HNMT: variants seen among roughly 807,000 people sequenced by gnomAD.
The protein encoded by HNMT is histamine N-methyltransferase.
Under a neutral mutation model 32.1 loss-of-function variants are expected in HNMT, and 30 were observed. The observed-to-expected ratio is 0.93, with a 90% CI of 0.70 to 1.27. The LOEUF is 1.27. Among genes scored for constraint, HNMT ranks in the 50% most tolerant of loss-of-function variants. HNMT has a pLI of 0.00. For synonymous variants in HNMT, 125 were observed against 119.0 expected, an observed-to-expected ratio of 1.05 and a Z score of -0.33; for missense variants, 327 against 346.0, an observed-to-expected ratio of 0.95 and a Z score of 0.43.
chr2:138,003,229 T>TATAATA (rs943466405), intron 4 of HNMT, among the ~76,000 whole-genome samples: 5 of 147,776 alleles, frequency 3.4e-5, no homozygotes, highest in Non-Finnish European at 7.4e-5. Context: ...AAACTTAAAG[T>TATAATA]ATAATAATAA....
intron 5 of HNMT, among the ~76,000 whole-genome samples, chr2:138,007,724 C>A (rs953858386): frequency 6.6e-6 from 1 of 152,042 alleles, no homozygotes; most frequent in Non-Finnish European, 1.5e-5. Context: ...TTTCACATTG[C>A]CTTAAACATG....
rs531677696 is a variant in HNMT, at chr2:137,982,933, T to C, written c.190+12716T>C. Among the ~76,000 whole-genome samples the C allele has an allele frequency of 3.3e-5, 5 of 152,292 alleles. No homozygotes were observed. The East Asian group carries it at 9.7e-4, about 29-fold the overall frequency. On this transcript the variant is annotated intron_variant, in intron 2 of 5. Coordinates refer to ENST00000280097, the MANE Select transcript of HNMT (RefSeq NM_006895.3). Reference sequence around the variant, plus strand: ...ATGGAAACTCTGTGGGGACTTCCTTTAAAAATGAAAGAGCTGAGGTTCAGA... The same window carrying C: ...ATGGAAACTCTGTGGGGACTTCCTTCAAAAATGAAAGAGCTGAGGTTCAGA...
At chr2:137,988,229 G>A (rs552974338) in intron 2 of HNMT, among the ~76,000 whole-genome samples, 1 of 152,306 alleles carries the variant, frequency 6.6e-6, no homozygotes, top group East Asian at 1.9e-4. Flanking sequence ...TGATAGGTTT[G>A]CTTAGCAGGG....
chr2:137,974,778 G>T (rs78224983), intron 2 of HNMT, among the ~76,000 whole-genome samples: 2,591 of 152,122 alleles, frequency 0.017, 69 homozygotes, highest in African/African-American at 0.059. Context: ...ACCAATAATT[G>T]TATATACATT....
intron 5 of HNMT, among the ~76,000 whole-genome samples, chr2:138,006,563 A>G (rs1231688909): frequency 1.3e-5 from 2 of 152,036 alleles, no homozygotes; most frequent in Non-Finnish European, 2.9e-5. Context: ...AGAAGGGAGC[A>G]TGAATAGTCC....
intron 2 of HNMT, among the ~76,000 whole-genome samples, chr2:137,993,514 A>G (rs1264681857): frequency 6.6e-6 from 1 of 152,186 alleles, no homozygotes; most frequent in Non-Finnish European, 1.5e-5. Context: ...GCTTCCAAGA[A>G]ATATGAGACT....
At chr2:137,993,981 G>A (rs950980645) in intron 2 of HNMT, among the ~76,000 whole-genome samples, 1 of 152,254 alleles carries the variant, frequency 6.6e-6, no homozygotes, top group Admixed American at 6.5e-5. Flanking sequence ...GAGGAATTTT[G>A]TTGTTACCAG....
chr2:137,988,713 A>C (rs1680726784), intron 2 of HNMT: 1 of 152,024 alleles, frequency 6.6e-6, no homozygotes, highest in South Asian at 2.1e-4. Context: ...CGTCTCTACT[A>C]AAAATATGAA....
chr2:138,003,423 T>G (rs566472557), intron 4 of HNMT, among the ~76,000 whole-genome samples: 75 of 152,262 alleles, frequency 4.9e-4, no homozygotes, highest in African/African-American at 1.8e-3. Context: ...CTTCCTGGTC[T>G]ACAATGATAA....
intron 5 of HNMT, among the ~76,000 whole-genome samples, chr2:138,010,441 G>GCACGCA (rs1553435896): frequency 8.0e-6 from 1 of 125,586 alleles, no homozygotes; most frequent in Non-Finnish European, 1.7e-5. Flanking sequence ...AAAGACACAC[G>GCACGCA]CACACACACA....
At chr2:137,975,684 G>A (rs1432675069) in intron 2 of HNMT, among the ~76,000 whole-genome samples, 3 of 152,178 alleles carry the variant, frequency 2.0e-5, no homozygotes, top group African/African-American at 4.8e-5. Flanking sequence ...TAGAATGAAT[G>A]TAATTCAAGT....
At chr2:137,975,161 G>A (rs950564882) in intron 2 of HNMT, among the ~76,000 whole-genome samples, 1 of 152,206 alleles carries the variant, frequency 6.6e-6, no homozygotes, top group Non-Finnish European at 1.5e-5. Context: ...ATTTTACCAA[G>A]GTTGAGGATG....
rs989331845 is a variant in HNMT, at chr2:138,015,498, A to G, written c.*1368A>G. On this transcript the variant is annotated 3_prime_UTR_variant, in exon 6 of 6. Transcript: ENST00000280097. Reference sequence around the variant, plus strand: ...GGGAATACACTGGCATAGAGAGCCTATTTACACTAATAAACTACCAAGCTT... The same window carrying G: ...GGGAATACACTGGCATAGAGAGCCTGTTTACACTAATAAACTACCAAGCTT... 2 of 152,194 alleles carry G rather than the reference A, an allele frequency of 1.3e-5. No individual in the cohort carries two copies. Among genetic ancestry groups the G allele is most frequent in the Non-Finnish European group, 2.9e-5 (2 of 68,032 alleles). The allele number at this position is 152,194 out of a possible 1,614,324, so 9.4% of individuals were successfully genotyped here. A position where few individuals can be genotyped will look rare whatever the true frequency, so the allele number is the denominator to read the frequency against.
chr2:137,973,011 CT>C (rs1680181674), intron 2 of HNMT, among the ~76,000 whole-genome samples: 1 of 152,122 alleles, frequency 6.6e-6, no homozygotes, highest in South Asian at 2.1e-4. Context: ...GTTCTTCTGA[CT>C]GAGCCCTAAT....
At chr2:137,968,605 C>T (rs904445686) in intron 1 of HNMT, among the ~76,000 whole-genome samples, 1 of 152,202 alleles carries the variant, frequency 6.6e-6, no homozygotes, top group African/African-American at 2.4e-5. Flanking sequence ...GGGATTTCAA[C>T]TTGGGTGCTC....
intron 2 of HNMT, among the ~76,000 whole-genome samples, chr2:137,997,368 G>C (rs1366822669): frequency 6.6e-6 from 1 of 151,992 alleles, no homozygotes; most frequent in African/African-American, 2.4e-5. Flanking sequence ...CAAAAGATAT[G>C]AACAGACACT....
chr2:137,965,410 G>A (rs1193538061), intron 1 of HNMT, among the ~76,000 whole-genome samples: 3 of 152,022 alleles, frequency 2.0e-5, no homozygotes, highest in Non-Finnish European at 4.4e-5. Context: ...AAATGACTAT[G>A]GATCCAATTT....
chr2:137,965,846 T>G (rs1256751313), intron 1 of HNMT, among the ~76,000 whole-genome samples: 3 of 152,216 alleles, frequency 2.0e-5, no homozygotes, highest in Non-Finnish European at 4.4e-5. Context: ...CAGTTTGGTT[T>G]GAAGAGGTAC....
At chr2:138,012,739 G>A (rs1045284895) in intron 5 of HNMT, among the ~76,000 whole-genome samples, 6 of 151,956 alleles carry the variant, frequency 3.9e-5, no homozygotes, top group African/African-American at 1.5e-4. Flanking sequence ...GTCTTCTCAG[G>A]CGCCCTCACA....
Sources: gnomAD v4.1 joint callset for allele counts (sites outside exome capture counted in the v4.1 genomes callset) on GRCh38, gnomAD v4.1.1 for gene constraint, MANE v1.5 for transcripts, NCBI Gene and HGNC (gene_info 2026-07-23, HGNC 2026-07-21) for gene names.